The following CCSER1 variants were observed in gnomAD, a reference collection of about 807,000 sequenced individuals.
CCSER1 encodes coiled-coil serine rich protein 1, also known as serine-rich coiled-coil domain-containing protein 1.
In CCSER1, 41 loss-of-function variants were observed where a neutral mutation model predicts 82.0. The ratio of observed to expected loss-of-function variants is 0.50; its 90% confidence interval spans 0.39 to 0.65. The LOEUF (loss-of-function observed/expected upper bound fraction) is 0.65. Among genes scored for constraint, CCSER1 ranks in the 30% least tolerant of loss-of-function variants. The pLI is 0.00. For synonymous variants in CCSER1, 414 were observed against 383.9 expected (o/e 1.08, Z -0.92); for missense variants, 1,119 against 1,064.2 (o/e 1.05, Z -0.72).
At chr4:90,158,348 C>T (rs1728722040) in intron 1 of CCSER1, among the ~76,000 whole-genome samples, 1 of 152,190 alleles carries the variant, frequency 6.6e-6, no homozygotes, top group Non-Finnish European at 1.5e-5. Context: ...CTTGAGGAGG[C>T]CGTCTGCCCG....
intron 3 of CCSER1, among the ~76,000 whole-genome samples, chr4:90,332,182 G>A (rs943045495): frequency 3.3e-5 from 5 of 151,586 alleles, no homozygotes; most frequent in South Asian, 2.1e-4. Context: ...TTTATAGAAC[G>A]AGCATCACTT....
intron 4 of CCSER1, among the ~76,000 whole-genome samples, chr4:90,420,892 A>G (rs1426703513): frequency 1.3e-5 from 2 of 152,140 alleles, no homozygotes; most frequent in Non-Finnish European, 2.9e-5. Context: ...GCAATTAGAA[A>G]AGAAAATATG....
intron 10 of CCSER1, among the ~76,000 whole-genome samples, chr4:91,175,090 G>A (rs1424098538): frequency 1.3e-5 from 2 of 152,156 alleles, no homozygotes; most frequent in East Asian, 1.9e-4. Flanking sequence ...TTCTGTCCTT[G>A]TGATAGTTTG....
At chr4:91,053,811 T>A (rs1418563158) in intron 9 of CCSER1, among the ~76,000 whole-genome samples, 17 of 152,196 alleles carry the variant, frequency 1.1e-4, no homozygotes, top group Non-Finnish European at 1.5e-5. Flanking sequence ...CTTATAAATT[T>A]TTATGCATTT....
At chr4:91,225,579 G>A (rs2149107379) in intron 10 of CCSER1, among the ~76,000 whole-genome samples, 1 of 151,216 alleles carries the variant, frequency 6.6e-6, no homozygotes, top group Admixed American at 6.6e-5. Flanking sequence ...AAATATTTTT[G>A]ATGTAGATTA....
At chr4:91,480,973 GGAGA>G (rs942741385) in intron 10 of CCSER1, among the ~76,000 whole-genome samples, 24 of 151,930 alleles carry the variant, frequency 1.6e-4, no homozygotes, top group African/African-American at 4.8e-4. Context: ...AGAGGAAGAG[GGAGA>G]GAGAGTCAGT....
intron 1 of CCSER1, among the ~76,000 whole-genome samples, chr4:90,145,917 C>T (rs1036078725): frequency 2.0e-5 from 3 of 151,856 alleles, no homozygotes; most frequent in African/African-American, 7.3e-5. Context: ...CTTTTTTTCC[C>T]TGTGACATTG....
At chr4:90,238,103 G>A (rs1301502444) in intron 1 of CCSER1, among the ~76,000 whole-genome samples, 1 of 152,172 alleles carries the variant, frequency 6.6e-6, no homozygotes, top group Non-Finnish European at 1.5e-5. Flanking sequence ...GTGCTGATAA[G>A]AAAAGGAAAA....
At chr4:91,511,615 G>A (rs1759830416) in intron 10 of CCSER1, among the ~76,000 whole-genome samples, 2 of 152,240 alleles carry the variant, frequency 1.3e-5, no homozygotes, top group South Asian at 4.1e-4. Flanking sequence ...TCCACCTCCT[G>A]TCAGATCAAT....
At chr4:90,279,449 A>C (rs1302391589) in intron 1 of CCSER1, among the ~76,000 whole-genome samples, 1 of 152,050 alleles carries the variant, frequency 6.6e-6, no homozygotes, top group Non-Finnish European at 1.5e-5. Context: ...GAAATGCTGC[A>C]GAGTAAGCAA....
intron 6 of CCSER1, among the ~76,000 whole-genome samples, chr4:90,721,151 A>G (rs1230014728): frequency 9.2e-5 from 14 of 151,960 alleles, no homozygotes; most frequent in Admixed American, 5.2e-4. Flanking sequence ...GAAAGAGAAC[A>G]TAGTCTACAT....
chr4:91,371,374 T>C (rs1188935911), intron 10 of CCSER1, among the ~76,000 whole-genome samples: 4 of 152,242 alleles, frequency 2.6e-5, no homozygotes, highest in African/African-American at 9.6e-5. Flanking sequence ...AGCTCAGTTG[T>C]TTTAATTATT....
chr4:90,511,272 GCC>G (rs1771457158), intron 5 of CCSER1, among the ~76,000 whole-genome samples: 1 of 152,062 alleles, frequency 6.6e-6, no homozygotes, highest in Non-Finnish European at 1.5e-5. Context: ...ACAAAAACTA[GCC>G]GGGCGTGGTG....
intron 9 of CCSER1, among the ~76,000 whole-genome samples, chr4:90,927,478 G>A (rs1299182749): frequency 6.6e-6 from 1 of 151,896 alleles, no homozygotes; most frequent in East Asian, 1.9e-4. Flanking sequence ...TTCTTAAAAT[G>A]GACTGAACTG....
At chr4:90,443,137 C>A (rs891868823) in intron 4 of CCSER1, among the ~76,000 whole-genome samples, 1 of 152,086 alleles carries the variant, frequency 6.6e-6, no homozygotes. Flanking sequence ...ATAAGATTCA[C>A]TTTTATGGAG....
intron 10 of CCSER1, among the ~76,000 whole-genome samples, chr4:91,392,808 G>A (rs78190089): frequency 0.056 from 8,576 of 152,040 alleles, 414 homozygotes; most frequent in East Asian, 0.19. Context: ...GTATAAAGGG[G>A]GTTTTCCACA....
At chr4:90,902,104 C>A (rs1724746013) in intron 8 of CCSER1, among the ~76,000 whole-genome samples, 1 of 151,148 alleles carries the variant, frequency 6.6e-6, no homozygotes, top group South Asian at 2.1e-4. Context: ...TTTTGAAATT[C>A]CTTTCATGAA....
At chr4:90,574,517 C>T (rs995818276) in intron 5 of CCSER1, among the ~76,000 whole-genome samples, 1 of 151,542 alleles carries the variant, frequency 6.6e-6, no homozygotes, top group Non-Finnish European at 1.5e-5. Context: ...ATCCACCCGC[C>T]TCGGCCTCCC....
chr4:90,516,106 C>T (rs1772231755), intron 5 of CCSER1, among the ~76,000 whole-genome samples: 1 of 152,098 alleles, frequency 6.6e-6, no homozygotes, highest in Admixed American at 6.6e-5. Flanking sequence ...ATAACACGCC[C>T]TTCTTTGGAC....
Sources: gnomAD v4.1 joint callset for allele counts (sites outside exome capture counted in the v4.1 genomes callset) on GRCh38, gnomAD v4.1.1 for gene constraint, MANE v1.5 for transcripts, NCBI Gene and HGNC (gene_info 2026-07-23, HGNC 2026-07-21) for gene names.